NWD2: variants seen among roughly 807,000 people sequenced by gnomAD.
NWD2 encodes the protein NACHT and WD repeat domain containing 2.
In NWD2, 37 loss-of-function variants were observed where a neutral mutation model predicts 132.7. The observed-to-expected ratio is 0.28, with a 90% CI of 0.21 to 0.37. The LOEUF (loss-of-function observed/expected upper bound fraction) is 0.37, where lower values mean the gene tolerates loss of function less well. NWD2 is among the 10% of genes least tolerant of loss of function. NWD2 has a pLI of 1.00. For missense variants in NWD2, 1,592 were observed against 2,122.4 expected (o/e 0.75, Z 4.91); for synonymous variants, 705 against 803.0 (o/e 0.88, Z 2.06).
chr4:37,404,728 G>A (rs940946021), intron 3 of NWD2, among the ~76,000 whole-genome samples: 4 of 152,194 alleles, frequency 2.6e-5, no homozygotes, highest in Admixed American at 1.3e-4. Context: ...GAAGCATGGC[G>A]ACATCCGCTC....
chr4:37,269,814 T>TATGAAC (rs1432798274), intron 1 of NWD2, among the ~76,000 whole-genome samples: 13 of 151,880 alleles, frequency 8.6e-5, no homozygotes, highest in African/African-American at 3.1e-4. Flanking sequence ...ATTAAGCTGT[T>TATGAAC]ATGAACATTT....
intron 1 of NWD2, among the ~76,000 whole-genome samples, chr4:37,298,906 G>C (rs1169830180): frequency 6.6e-6 from 1 of 152,064 alleles, no homozygotes; most frequent in Non-Finnish European, 1.5e-5. Flanking sequence ...TTTAATCTAG[G>C]TGATATAGAT....
intron 3 of NWD2, among the ~76,000 whole-genome samples, chr4:37,369,121 A>G (rs1205292367): frequency 1.3e-5 from 2 of 152,160 alleles, no homozygotes; most frequent in Admixed American, 1.3e-4. Context: ...CTTCCATCAC[A>G]CCATTATAGA....
intron 3 of NWD2, among the ~76,000 whole-genome samples, chr4:37,381,937 T>A (rs1289801645): frequency 6.6e-6 from 1 of 152,258 alleles, no homozygotes; most frequent in East Asian, 1.9e-4. Context: ...AACATTTTTT[T>A]AAATTTCAAA....
At chr4:37,249,752 T>C (rs1052768057) in intron 1 of NWD2, among the ~76,000 whole-genome samples, 5 of 152,240 alleles carry the variant, frequency 3.3e-5, no homozygotes, top group Admixed American at 6.5e-5. Context: ...CTGGTCATTA[T>C]TGAGAGTCAT....
chr4:37,321,239 C>T (rs1021225074), intron 1 of NWD2, among the ~76,000 whole-genome samples: 11 of 152,134 alleles, frequency 7.2e-5, no homozygotes, highest in African/African-American at 2.2e-4. Flanking sequence ...CAATCTAGCA[C>T]GGTCCTTTCA....
At chr4:37,276,994 G>A (rs1718031684) in intron 1 of NWD2, among the ~76,000 whole-genome samples, 1 of 152,006 alleles carries the variant, frequency 6.6e-6, no homozygotes, top group Non-Finnish European at 1.5e-5. Context: ...TGGGGTTGGG[G>A]GATGGGGGAG....
chr4:37,387,264 G>C (rs1720582591), intron 3 of NWD2, among the ~76,000 whole-genome samples: 1 of 151,482 alleles, frequency 6.6e-6, no homozygotes, highest in Non-Finnish European at 1.5e-5. Flanking sequence ...ACCCAACATA[G>C]CCAAAATATT....
At chr4:37,414,439 T>A (rs1721223596) in intron 3 of NWD2, among the ~76,000 whole-genome samples, 1 of 151,830 alleles carries the variant, frequency 6.6e-6, no homozygotes, top group Admixed American at 6.6e-5. Context: ...AGAGATCAGC[T>A]TTAAGTGGCC....
At chr4:37,373,093 C>T (rs1324221515) in intron 3 of NWD2, among the ~76,000 whole-genome samples, 1 of 152,178 alleles carries the variant, frequency 6.6e-6, no homozygotes, top group Non-Finnish European at 1.5e-5. Flanking sequence ...ATTTACTTTG[C>T]ATTATGCATG....
At chr4:37,372,971 A>G (rs996108711) in intron 3 of NWD2, among the ~76,000 whole-genome samples, 4 of 152,248 alleles carry the variant, frequency 2.6e-5, no homozygotes, top group Admixed American at 1.3e-4. Context: ...GATACAACGC[A>G]AAGAAAATTC....
At chr4:37,382,547 T>C (rs757335323) in intron 3 of NWD2, among the ~76,000 whole-genome samples, 9 of 152,216 alleles carry the variant, frequency 5.9e-5, no homozygotes, top group Non-Finnish European at 1.0e-4. Context: ...TCAGTGGTAA[T>C]GTTCCACACT....
intron 3 of NWD2, among the ~76,000 whole-genome samples, chr4:37,402,282 A>G (rs1720910185): frequency 1.3e-5 from 2 of 152,266 alleles, no homozygotes; most frequent in Admixed American, 6.5e-5. Flanking sequence ...ATTCTTTTAT[A>G]GCAGCACAAA....
At chr4:37,356,574 A>C in intron 3 of NWD2, 92 bp downstream of exon 3, 2 of 791,808 alleles carry the variant, frequency 2.5e-6, no homozygotes, top group Non-Finnish European at 4.1e-6. Flanking sequence ...TTTTTAAATG[A>C]GGGGGAAAAA....
At chr4:37,364,297 G>A (rs529711955) in intron 3 of NWD2, among the ~76,000 whole-genome samples, 11 of 152,274 alleles carry the variant, frequency 7.2e-5, no homozygotes, top group East Asian at 1.9e-4. Flanking sequence ...TCCTCAATCC[G>A]TAGTGTGGAT....
intron 1 of NWD2, among the ~76,000 whole-genome samples, chr4:37,251,966 A>G (rs1189620268): frequency 2.0e-5 from 3 of 152,234 alleles, no homozygotes; most frequent in Non-Finnish European, 2.9e-5. Flanking sequence ...TACATAAATA[A>G]TACATATGTG....
At chr4:37,408,851 T>C (rs1391139605) in intron 3 of NWD2, among the ~76,000 whole-genome samples, 1 of 152,150 alleles carries the variant, frequency 6.6e-6, no homozygotes, top group Non-Finnish European at 1.5e-5. Context: ...CAATCTTTGC[T>C]GTTCTGCAGC....
chr4:37,409,744 G>T (rs1332782342), intron 3 of NWD2, among the ~76,000 whole-genome samples: 2 of 152,056 alleles, frequency 1.3e-5, no homozygotes, highest in African/African-American at 2.4e-5. Flanking sequence ...AAATGTTAAG[G>T]GCAGCCAGAG....
chr4:37,379,629 G>A (rs1462402738), intron 3 of NWD2, among the ~76,000 whole-genome samples: 6 of 152,176 alleles, frequency 3.9e-5, no homozygotes, highest in South Asian at 2.1e-4. Context: ...AACCCAGACC[G>A]TACATGAGTA....
Sources: gnomAD v4.1 joint callset for allele counts (sites outside exome capture counted in the v4.1 genomes callset) on GRCh38, gnomAD v4.1.1 for gene constraint, MANE v1.5 for transcripts, NCBI Gene and HGNC (gene_info 2026-07-23, HGNC 2026-07-21) for gene names.